Variants in HK1 observed in about 807,000 individuals in gnomAD.
HK1 encodes the protein hexokinase-1.
HK1 carries 28 observed loss-of-function variants against 91.6 expected under a neutral mutation model. That is an observed-to-expected ratio of 0.31 (90% CI 0.23 to 0.42). HK1 has a LOEUF of 0.42. Among genes scored for constraint, HK1 ranks in the 10% least tolerant of loss-of-function variants. The pLI is 1.00. For missense variants in HK1, 770 were observed against 1,219.8 expected (o/e 0.63, Z 5.49); for synonymous variants, 430 against 468.1 (o/e 0.92, Z 1.05).
chr10:69,321,596 C>T (rs921163266), intron 1 of HK1, among the ~76,000 whole-genome samples: 4 of 152,214 alleles, frequency 2.6e-5, no homozygotes, highest in African/African-American at 9.6e-5. Flanking sequence ...CATCTATCTT[C>T]TTGCCCTCAG....
chr10:69,295,572 T>G, intron 3 of HK1: 1 of 1,074,364 alleles, frequency 9.3e-7, no homozygotes, highest in Non-Finnish European at 1.5e-6. Context: ...CATCAATATG[T>G]TGTGAATGCA....
intron 10 of HK1, among the ~76,000 whole-genome samples, chr10:69,383,497 C>T (rs1387018176): frequency 2.0e-5 from 3 of 152,230 alleles, no homozygotes; most frequent in Non-Finnish European, 2.9e-5. Context: ...GTGTAAGTTA[C>T]CTAATACCAC....
At chr10:69,271,118 A>G (rs1041111013) in intron 1 of HK1, 2 of 152,196 alleles carry the variant, frequency 1.3e-5, no homozygotes, top group Admixed American at 1.3e-4. Context: ...TAGGCTAGTA[A>G]GGAAAGAAAG....
intron 2 of HK1, among the ~76,000 whole-genome samples, chr10:69,347,383 T>C (rs1848616564): frequency 1.3e-5 from 2 of 151,434 alleles, no homozygotes; most frequent in South Asian, 2.1e-4. Context: ...AATGAAGATA[T>C]CAGGGAACAG....
Position 69,369,399 on chromosome 10 carries a change from T to A in HK1, c.692-42T>A, listed in dbSNP as rs1474164590. 6.2e-7 allele frequency: 1 copy of A among 1,613,926 alleles called. No individual in the cohort carries two copies. The highest frequency in any genetic ancestry group is 1.7e-5 in the Admixed American group (1 of 60,030). ...CATCTTTCCAGGTGGCTCTGCACCC[T>A]CCCCGTTGTGTGGTCATAGCTTCTG... On this transcript the variant is annotated intron_variant, in intron 6 of 17. Transcript: ENST00000359426. This position sits in a 1 kb window ranked among gnomAD's most constrained non-coding sequence, Gnocchi z 4.4.
At chr10:69,295,738 G>C (rs2034048886) in intron 4 of HK1, 2 of 1,097,096 alleles carry the variant, frequency 1.8e-6, no homozygotes, top group Non-Finnish European at 2.8e-6. Flanking sequence ...AAAAGATAGT[G>C]CGTGGCAATC....
intron 5 of HK1, among the ~76,000 whole-genome samples, chr10:69,303,892 G>A (rs1304097234): frequency 6.6e-6 from 1 of 152,244 alleles, no homozygotes; most frequent in Non-Finnish European, 1.5e-5. Context: ...GTAGGAAGCA[G>A]CCAGTGAGTC....
At chr10:69,356,224 G>A (rs188053918) in intron 2 of HK1, among the ~76,000 whole-genome samples, 5 of 152,044 alleles carry the variant, frequency 3.3e-5, no homozygotes, top group East Asian at 1.9e-4. Context: ...TCACTTGAGC[G>A]AAGGCATTTG....
intron 17 of HK1, 119 bp from the exon 18 acceptor site, chr10:69,400,872 C>A (rs146693766): frequency 9.3e-7 from 1 of 1,081,024 alleles, no homozygotes; most frequent in East Asian, 2.4e-5. Flanking sequence ...ATCACAAAGT[C>A]GAAGAATCCT....
rs551126879 is a variant in HK1 at position 69,286,334 on chromosome 10, CA to C, written c.-214-2331del. Among the ~76,000 whole-genome samples, 250 of 152,066 alleles carry C rather than the reference CA, an allele frequency of 1.6e-3. 2 individuals carry two copies. The highest frequency in any genetic ancestry group is 5.8e-3 in the African/African-American group (241 of 41,502). On this transcript the variant is annotated intron_variant, in intron 2 of 21. Transcript: ENST00000360289. ...GCAACATAGTGAGATCCCGTCTCTACAAAAAATTAAAAAATTAGCCAGCTGT... is the reference window on the plus strand; with the variant it reads ...GCAACATAGTGAGATCCCGTCTCTACAAAAATTAAAAAATTAGCCAGCTGT...
At position 69,382,664 on chromosome 10, in the gene HK1, G is replaced by A. The variant is rs748235; in HGVS notation, c.1443G>A (p.Lys481=). 0.79 allele frequency: 1,272,400 copies of A among 1,613,684 alleles called. 505,029 individuals are homozygous for A. Among genetic ancestry groups the A allele is most frequent in the South Asian group, 0.89 (80,985 of 91,036 alleles). ...EETLAHFHLT[K]DMLLEVKKRM... ...CCCTGGCTCATTTCCACCTCACCAA[G>A]GACATGCTGCTGGAGGTGAAGAAGA... Residue 481 remains lysine, a synonymous_variant, in exon 10 of 18, where the codon AAG becomes AAA. Transcript: ENST00000359426.
intron 1 of HK1, among the ~76,000 whole-genome samples, chr10:69,339,559 G>A (rs528849325): frequency 2.0e-4 from 30 of 152,306 alleles, no homozygotes; most frequent in South Asian, 4.1e-4. Context: ...GGACCAGGCC[G>A]TTCTCTGTGT....
intron 4 of HK1, among the ~76,000 whole-genome samples, chr10:69,366,020 G>T (rs774756180): frequency 6.6e-6 from 1 of 152,050 alleles, no homozygotes; most frequent in African/African-American, 2.4e-5. Context: ...TGGCAGATAT[G>T]GGGTTTCACC....
chr10:69,386,388 C>A lies in HK1; in HGVS notation c.1905C>A (p.Thr635=). 1 of 1,613,820 alleles carries A rather than the reference C, an allele frequency of 6.2e-7. No homozygotes were observed. The highest frequency in any genetic ancestry group is 8.5e-7 in the Non-Finnish European group (1 of 1,179,722). Reference sequence around the variant, plus strand: ...ACTGCGTGGGCCACGATGTAGTCACCTTACTAAGGGATGCGATAAAAAGGA... The same window carrying A: ...ACTGCGTGGGCCACGATGTAGTCACATTACTAAGGGATGCGATAAAAAGGA... The part of the protein sequence containing the change: ...ATDCVGHDVV[T]LLRDAIKRRE... Residue 635 remains threonine (T), a synonymous_variant, in exon 13 of 18, where the codon ACC becomes ACA. Transcript: ENST00000359426.
chr10:69,390,269 G>A (rs1353951735), intron 14 of HK1, among the ~76,000 whole-genome samples: 1 of 152,236 alleles, frequency 6.6e-6, no homozygotes, highest in Non-Finnish European at 1.5e-5. Flanking sequence ...GCTTGGGTAT[G>A]AAATGCAAAG....
At chr10:69,299,868 G>A (rs1845766448) in intron 4 of HK1, among the ~76,000 whole-genome samples, 1 of 151,196 alleles carries the variant, frequency 6.6e-6, no homozygotes, top group South Asian at 2.1e-4. Flanking sequence ...TACCATGTTG[G>A]CCAGGCTGGT....
chr10:69,394,463 G>T (rs1840047308), intron 15 of HK1, among the ~76,000 whole-genome samples: 1 of 152,194 alleles, frequency 6.6e-6, no homozygotes, highest in African/African-American at 2.4e-5. Flanking sequence ...AGGGCCCAGT[G>T]CTATGCTATG....
At chr10:69,273,029 T>C (rs1434893217) in intron 1 of HK1, among the ~76,000 whole-genome samples, 5 of 150,236 alleles carry the variant, frequency 3.3e-5, no homozygotes, top group African/African-American at 1.2e-4. Flanking sequence ...CTTTCTTTTT[T>C]ACCTTTTTTT....
intron 7 of HK1, among the ~76,000 whole-genome samples, chr10:69,374,728 C>T (rs541466957): frequency 1.1e-4 from 16 of 152,212 alleles, no homozygotes; most frequent in Non-Finnish European, 2.4e-4. Flanking sequence ...TATCACTATC[C>T]ATGTGTGTAA....
Sources: allele counts gnomAD v4.1 joint callset (sites outside exome capture counted in the v4.1 genomes callset), GRCh38; gene constraint gnomAD v4.1.1; non-coding constraint Gnocchi (gnomAD v3.1); transcripts MANE v1.5; gene names NCBI Gene and HGNC (gene_info 2026-07-23, HGNC 2026-07-21).